MYT1L: variants seen among roughly 807,000 people sequenced by gnomAD.
MYT1L encodes the protein myelin transcription factor 1 like.
Under a neutral mutation model 126.7 loss-of-function variants are expected in MYT1L, and 12 were observed. That is an observed-to-expected ratio of 0.09 (90% confidence interval 0.06 to 0.15). MYT1L has a LOEUF of 0.15. Among genes scored for constraint, MYT1L ranks in the 10% least tolerant of loss-of-function variants. The pLI is 1.00. For missense variants in MYT1L, 979 were observed against 1,585.2 expected, an observed-to-expected ratio of 0.62 and a Z score of 6.49; for synonymous variants, 541 against 604.2, an observed-to-expected ratio of 0.90 and a Z score of 1.53.
intron 5 of MYT1L, among the ~76,000 whole-genome samples, chr2:1,980,197 T>C (rs1419991026): frequency 6.8e-6 from 1 of 147,884 alleles, no homozygotes; most frequent in Non-Finnish European, 1.5e-5. Flanking sequence ...CTTATGTATA[T>C]ATAAAAACAA....
intron 2 of MYT1L, among the ~76,000 whole-genome samples, chr2:2,279,979 G>A (rs986242114): frequency 1.3e-5 from 2 of 152,164 alleles, no homozygotes; most frequent in African/African-American, 4.8e-5. Flanking sequence ...AAGCTTTGAT[G>A]TAGAAAAATT....
At chr2:2,201,637 G>T (rs1388734297) in intron 2 of MYT1L, among the ~76,000 whole-genome samples, 2 of 151,778 alleles carry the variant, frequency 1.3e-5, no homozygotes, top group Non-Finnish European at 2.9e-5. Flanking sequence ...GGCGGAAGCT[G>T]CAGGGAGTTG....
At chr2:2,160,250 A>G (rs1173799329) in intron 3 of MYT1L, among the ~76,000 whole-genome samples, 2 of 152,150 alleles carry the variant, frequency 1.3e-5, no homozygotes, top group Non-Finnish European at 2.9e-5. Flanking sequence ...GAGATACCAA[A>G]TGTTTGCTTC....
At position 2,228,221 on chromosome 2, in the gene MYT1L, G is replaced by A. The variant is rs1344626692; in HGVS notation, c.-420-55233C>T. 1.3e-5 allele frequency among the ~76,000 whole-genome samples: 2 copies of A among 152,256 alleles called. No homozygotes were observed. Among genetic ancestry groups the A allele is most frequent in the East Asian group, 1.9e-4 (1 of 5,190 alleles). On this transcript the variant is annotated intron_variant, in intron 2 of 24. Coordinates refer to ENST00000647738, the MANE Select transcript of MYT1L (RefSeq NM_001303052.2). This position sits in a 1 kb window ranked among gnomAD's most constrained non-coding sequence, Gnocchi z 5.9. ...TTCTGTAATATACATTTTGTATCAG[G>A]TTTGAATATCTGATAAAGTCATTTA... is the stretch of plus-strand genomic sequence containing the variant.
chr2:1,992,209 C>G (rs1001214851), intron 5 of MYT1L, among the ~76,000 whole-genome samples: 1 of 152,182 alleles, frequency 6.6e-6, no homozygotes. Flanking sequence ...GACAACCCAG[C>G]GTCGGTCCAC....
intron 2 of MYT1L, among the ~76,000 whole-genome samples, chr2:2,241,887 A>T (rs544904643): frequency 6.6e-6 from 1 of 152,364 alleles, no homozygotes; most frequent in Admixed American, 6.5e-5. Context: ...ACTAGTGGTC[A>T]TATTCACAGA....
chr2:2,126,915 G>A (rs1159464713), intron 3 of MYT1L, among the ~76,000 whole-genome samples: 1 of 152,106 alleles, frequency 6.6e-6, no homozygotes, highest in Non-Finnish European at 1.5e-5. Context: ...CATTTCACAC[G>A]GATCACAGAT....
chr2:1,853,329 G>A (rs530807451), intron 18 of MYT1L, among the ~76,000 whole-genome samples: 47 of 152,296 alleles, frequency 3.1e-4, no homozygotes, highest in African/African-American at 9.1e-4. Flanking sequence ...TTCAAACAGC[G>A]TCTGCATATC....
At chr2:2,000,775 C>T (rs986262490) in intron 4 of MYT1L, among the ~76,000 whole-genome samples, 23 of 152,174 alleles carry the variant, frequency 1.5e-4, no homozygotes, top group Admixed American at 5.2e-4. Flanking sequence ...GGTTCTAAGG[C>T]CCTGCATGTC....
chr2:2,215,166 T>C (rs897665788), intron 2 of MYT1L, among the ~76,000 whole-genome samples: 2 of 151,994 alleles, frequency 1.3e-5, no homozygotes, highest in Admixed American at 1.3e-4. Flanking sequence ...AAAGAACAGA[T>C]GGGATAAATA....
At chr2:2,132,684 T>C (rs1409950609) in intron 3 of MYT1L, among the ~76,000 whole-genome samples, 2 of 152,110 alleles carry the variant, frequency 1.3e-5, no homozygotes, top group Non-Finnish European at 2.9e-5. Context: ...GGCACATATA[T>C]ACCTATGTAA....
chr2:2,316,288 C>T (rs992941422), intron 1 of MYT1L, among the ~76,000 whole-genome samples: 6 of 152,142 alleles, frequency 3.9e-5, no homozygotes, highest in African/African-American at 1.4e-4. Context: ...CCATCGGCTA[C>T]CATGGTAAAA....
chr2:2,005,896 G>A (rs530045494), intron 4 of MYT1L, among the ~76,000 whole-genome samples: 24 of 142,874 alleles, frequency 1.7e-4, no homozygotes, highest in African/African-American at 4.2e-4. Context: ...TTCCTCATGC[G>A]TTCTTTCCTG....
At chr2:1,799,491 G>A (rs2034429478) in intron 23 of MYT1L, among the ~76,000 whole-genome samples, 1 of 152,190 alleles carries the variant, frequency 6.6e-6, no homozygotes, top group African/African-American at 2.4e-5. Flanking sequence ...CTCATGGACA[G>A]CCACGGAGCA....
intron 18 of MYT1L, among the ~76,000 whole-genome samples, chr2:1,862,085 TTATAAG>T (rs1327309159): frequency 6.6e-6 from 1 of 152,232 alleles, no homozygotes; most frequent in African/African-American, 2.4e-5. Context: ...ATCCTCTTGT[TTATAAG>T]TATGATTTTA....
At position 1,791,823 on chromosome 2, in the gene MYT1L, G is replaced by A. The variant is rs756173319; in HGVS notation, c.*44C>T. 2 of 1,507,288 alleles carry A rather than the reference G, an allele frequency of 1.3e-6. No homozygotes were observed. The highest frequency in any genetic ancestry group is 1.8e-6 in the Non-Finnish European group (2 of 1,132,520). 93.4% of individuals were successfully genotyped at this position (1,507,288 alleles called of 1,614,324 possible). On this transcript the variant is annotated 3_prime_UTR_variant, in exon 25 of 25. Coordinates refer to ENST00000647738, the MANE Select transcript of MYT1L (RefSeq NM_001303052.2). The surrounding 1 kb of genome is among the most constrained non-coding windows in gnomAD (Gnocchi z 6.0). ...GGTAAGTTACAGCAGCAAAAAACAA[G>A]AGGCATCCTTTTTAAGCAAGAGTTT... is the stretch of plus-strand genomic sequence containing the variant.
At chr2:2,264,495 G>A (rs776564097) in intron 2 of MYT1L, among the ~76,000 whole-genome samples, 1 of 151,980 alleles carries the variant, frequency 6.6e-6, no homozygotes, top group Non-Finnish European at 1.5e-5. Context: ...ATAGGTCATA[G>A]TGAAGCATTC....
chr2:2,169,560 G>A (rs982520850), intron 3 of MYT1L, among the ~76,000 whole-genome samples: 10 of 152,128 alleles, frequency 6.6e-5, no homozygotes, highest in African/African-American at 2.2e-4. Flanking sequence ...CGAGCTGGTG[G>A]CATACAGTCC....
At chr2:2,025,190 T>C (rs1052526399) in intron 4 of MYT1L, among the ~76,000 whole-genome samples, 1 of 152,184 alleles carries the variant, frequency 6.6e-6, no homozygotes, top group African/African-American at 2.4e-5. Context: ...CTTCCCTAGG[T>C]TGGCCACAGC....
Sources: allele counts gnomAD v4.1 joint callset (sites outside exome capture counted in the v4.1 genomes callset), GRCh38; gene constraint gnomAD v4.1.1; non-coding constraint Gnocchi (gnomAD v3.1); transcripts MANE v1.5; gene names NCBI Gene and HGNC (gene_info 2026-07-23, HGNC 2026-07-21).